KCNH5: variants seen among roughly 807,000 people sequenced by gnomAD.
KCNH5 encodes the protein potassium voltage-gated channel subfamily H member 5.
In KCNH5, 46 loss-of-function variants were observed where a neutral mutation model predicts 96.1. The observed-to-expected ratio is 0.48, with a 90% CI of 0.38 to 0.61. KCNH5 has a LOEUF of 0.61. Among genes scored for constraint, KCNH5 ranks in the 20% least tolerant of loss-of-function variants. The probability of loss-of-function intolerance (pLI) is 0.00; values close to 1 mark genes in which losing one functional copy is unlikely to be tolerated. For missense variants in KCNH5, 907 were observed against 1,225.8 expected (o/e 0.74, Z 3.88); for synonymous variants, 439 against 449.8 (o/e 0.98, Z 0.30).
chr14:62,804,463 G>A (rs886960994), intron 8 of KCNH5, among the ~76,000 whole-genome samples: 2 of 152,146 alleles, frequency 1.3e-5, no homozygotes, highest in African/African-American at 2.4e-5. Context: ...AGAACTAGAA[G>A]GATAAGACAC....
chr14:62,860,659 C>A (rs1316899024), intron 7 of KCNH5, among the ~76,000 whole-genome samples: 4 of 152,194 alleles, frequency 2.6e-5, no homozygotes, highest in Non-Finnish European at 5.9e-5. Flanking sequence ...TCTTAGTGCC[C>A]ATCTTTTCCC....
At chr14:62,876,932 A>C (rs1314819024) in intron 7 of KCNH5, among the ~76,000 whole-genome samples, 1 of 152,254 alleles carries the variant, frequency 6.6e-6, no homozygotes, top group Admixed American at 6.5e-5. Flanking sequence ...AAAATAGATC[A>C]AAGACCTGAA....
At chr14:62,925,287 C>T (rs767010979) in intron 7 of KCNH5, among the ~76,000 whole-genome samples, 64 of 152,122 alleles carry the variant, frequency 4.2e-4, no homozygotes, top group Non-Finnish European at 6.9e-4. Context: ...AATTAAAGCA[C>T]ACATTCATTT....
At chr14:62,888,066 T>C (rs1490659056) in intron 7 of KCNH5, among the ~76,000 whole-genome samples, 1 of 152,244 alleles carries the variant, frequency 6.6e-6, no homozygotes, top group East Asian at 1.9e-4. Context: ...TTTAAAAATG[T>C]TGGCATGCTA....
chr14:63,024,852 A>G (rs1254446890), intron 1 of KCNH5, among the ~76,000 whole-genome samples: 1 of 152,170 alleles, frequency 6.6e-6, no homozygotes, highest in Non-Finnish European at 1.5e-5. Context: ...AACTCTTCCA[A>G]AAAATTAAAA....
chr14:62,788,333 G>A (rs1886362111), intron 9 of KCNH5, among the ~76,000 whole-genome samples: 7 of 152,178 alleles, frequency 4.6e-5, no homozygotes, highest in Non-Finnish European at 1.0e-4. Flanking sequence ...ATGACTTGCT[G>A]CAATCGCACT....
At chr14:62,770,046 G>A (rs1408702366) in intron 10 of KCNH5, among the ~76,000 whole-genome samples, 2 of 152,120 alleles carry the variant, frequency 1.3e-5, no homozygotes, top group Non-Finnish European at 1.5e-5. Flanking sequence ...TGATGGATTC[G>A]TGGAACAAAC....
intron 4 of KCNH5, among the ~76,000 whole-genome samples, chr14:62,988,756 A>G (rs966518081): frequency 3.9e-5 from 6 of 152,118 alleles, no homozygotes; most frequent in Non-Finnish European, 5.9e-5. Flanking sequence ...TTAATGAAAA[A>G]CCAACATGCA....
intron 10 of KCNH5, among the ~76,000 whole-genome samples, chr14:62,756,905 A>T (rs561739319): frequency 1.7e-3 from 255 of 152,344 alleles, no homozygotes; most frequent in Non-Finnish European, 2.8e-3. Flanking sequence ...TTTCTTCAGT[A>T]ATACTCCATA....
At chr14:62,982,853 T>A (rs1384047977) in intron 5 of KCNH5, among the ~76,000 whole-genome samples, 1 of 152,244 alleles carries the variant, frequency 6.6e-6, no homozygotes, top group African/African-American at 2.4e-5. Flanking sequence ...TTTGCCATTA[T>A]CAGTACCTCA....
chr14:62,835,545 T>C (rs538045295), intron 8 of KCNH5, among the ~76,000 whole-genome samples: 1 of 152,112 alleles, frequency 6.6e-6, no homozygotes, highest in East Asian at 1.9e-4. Context: ...AGAAAAAATA[T>C]GTAATATCAT....
chr14:62,725,216 C>T (rs557705894), intron 10 of KCNH5, among the ~76,000 whole-genome samples: 2 of 152,254 alleles, frequency 1.3e-5, no homozygotes, highest in Admixed American at 6.5e-5. Context: ...AACTCAAAGC[C>T]ACTTGTACTC....
intron 1 of KCNH5, among the ~76,000 whole-genome samples, chr14:63,036,800 G>C (rs933433059): frequency 4.6e-5 from 7 of 152,154 alleles, no homozygotes; most frequent in Non-Finnish European, 8.8e-5. Context: ...GAAGCCAGTA[G>C]AAAGGGCAGC....
chr14:62,881,087 C>A (rs1297102724), intron 7 of KCNH5, among the ~76,000 whole-genome samples: 2 of 152,158 alleles, frequency 1.3e-5, no homozygotes, highest in Non-Finnish European at 2.9e-5. Flanking sequence ...CATCTTTAAG[C>A]CTTCAATAAA....
intron 8 of KCNH5, among the ~76,000 whole-genome samples, chr14:62,824,735 T>C (rs1028174675): frequency 1.3e-5 from 2 of 152,070 alleles, no homozygotes; most frequent in Non-Finnish European, 2.9e-5. Context: ...CTGAGCACAC[T>C]ATCCAATAGT....
chr14:62,766,744 A>G (rs1476051271), intron 10 of KCNH5, among the ~76,000 whole-genome samples: 2 of 152,106 alleles, frequency 1.3e-5, no homozygotes, highest in African/African-American at 4.8e-5. Flanking sequence ...AAAAAGTAGA[A>G]AGAAATAAGA....
chr14:63,003,622 ATAT>A (rs1325090232), intron 3 of KCNH5, among the ~76,000 whole-genome samples: 22 of 111,354 alleles, frequency 2.0e-4, no homozygotes, highest in East Asian at 1.2e-3. Context: ...ATATATATAT[ATAT>A]TTTTTTTTTT....
chr14:63,014,394 T>C (rs1476958760), intron 2 of KCNH5, among the ~76,000 whole-genome samples: 1 of 152,146 alleles, frequency 6.6e-6, no homozygotes, highest in African/African-American at 2.4e-5. Flanking sequence ...GTGAGCAAGA[T>C]GGAGACCCTA....
chr14:62,818,045 T>C (rs577139421), intron 8 of KCNH5, among the ~76,000 whole-genome samples: 1 of 130,912 alleles, frequency 7.6e-6, no homozygotes, highest in Non-Finnish European at 1.5e-5. Context: ...CTCACCTATA[T>C]GTGGAATCTA....
Sources: gnomAD v4.1 joint callset for allele counts (sites outside exome capture counted in the v4.1 genomes callset) on GRCh38, gnomAD v4.1.1 for gene constraint, MANE v1.5 for transcripts, NCBI Gene and HGNC (gene_info 2026-07-23, HGNC 2026-07-21) for gene names.